AMMECR1: variants seen among roughly 807,000 people sequenced by gnomAD.
AMMECR1 encodes nuclear protein AMMECR1.
Under a neutral mutation model 22.5 loss-of-function variants are expected in AMMECR1, and 3 were observed. The ratio of observed to expected loss-of-function variants is 0.13; its 90% CI spans 0.06 to 0.35. The LOEUF is 0.35. AMMECR1 is among the 10% of genes least tolerant of loss of function. The probability of loss-of-function intolerance (pLI) is 1.00; values close to 1 mark genes in which losing one functional copy is unlikely to be tolerated. For synonymous variants in AMMECR1, 130 were observed against 116.7 expected (o/e 1.11, Z -0.74); for missense variants, 235 against 278.7 (o/e 0.84, Z 1.12).
intron 2 of AMMECR1, among the ~76,000 whole-genome samples, chrX:110,259,407 G>GA (rs1406068227): frequency 9.0e-6 from 1 of 110,654 alleles, no homozygotes; most frequent in South Asian, 3.9e-4. Context: ...CAACAAAGGA[G>GA]AAAAAAAGAT....
intron 2 of AMMECR1, among the ~76,000 whole-genome samples, chrX:110,232,557 G>A (rs2067573219): frequency 9.0e-6 from 1 of 111,347 alleles, no homozygotes; most frequent in South Asian, 3.7e-4. Flanking sequence ...GCCCACAAGA[G>A]AAAGCAGGAA....
At chrX:110,416,083 T>C (rs1159989866) in intron 2 of AMMECR1, among the ~76,000 whole-genome samples, 1 of 110,567 alleles carries the variant, frequency 9.0e-6, no homozygotes, top group African/African-American at 3.3e-5. Flanking sequence ...CACTCTGCCG[T>C]GGCAAGGCAC....
At chrX:110,363,609 A>T (rs972866971) in intron 2 of AMMECR1, among the ~76,000 whole-genome samples, 1 of 111,752 alleles carries the variant, frequency 8.9e-6, no homozygotes, top group African/African-American at 3.3e-5. Flanking sequence ...TTATAGAGAG[A>T]AAAATAAAAA....
chrX:110,274,246 T>A (rs982512641), intron 1 of AMMECR1, among the ~76,000 whole-genome samples: 13 of 112,286 alleles, frequency 1.2e-4, no homozygotes, highest in Non-Finnish European at 2.1e-4. Flanking sequence ...CAATGTTTTA[T>A]AAGTGTCAGT....
At chrX:110,270,782 T>C (rs1341065637) in intron 1 of AMMECR1, among the ~76,000 whole-genome samples, 4 of 112,189 alleles carry the variant, frequency 3.6e-5, no homozygotes, top group Non-Finnish European at 7.5e-5. Context: ...CCCAGCACTC[T>C]TTCTGATCTC....
chrX:110,249,463 G>A (rs1200606717), intron 2 of AMMECR1, among the ~76,000 whole-genome samples: 1 of 111,462 alleles, frequency 9.0e-6, no homozygotes, highest in African/African-American at 3.3e-5. Context: ...CAATATAAGT[G>A]AAATACTTTC....
intron 2 of AMMECR1, among the ~76,000 whole-genome samples, chrX:110,382,383 C>T (rs1440026490): frequency 9.0e-6 from 1 of 110,833 alleles, no homozygotes; most frequent in Non-Finnish European, 1.9e-5. Context: ...CAAAGGCAGC[C>T]AGGATCTGGG....
At chrX:110,291,159 TGAAGACAGAAAATATAAAGAA>T (rs1018039208) in intron 1 of AMMECR1, among the ~76,000 whole-genome samples, 3 of 111,060 alleles carry the variant, frequency 2.7e-5, no homozygotes, top group Non-Finnish European at 5.7e-5. Context: ...AATATAAAGA[TGAAGACAGAAAATATAAAGAA>T]GAAGACAGAA....
chrX:110,209,720 A>G (rs2067438070), intron 3 of AMMECR1, among the ~76,000 whole-genome samples: 1 of 111,156 alleles, frequency 9.0e-6, no homozygotes, highest in South Asian at 3.8e-4. Context: ...GTCAGAGTCC[A>G]AAGAGATCTT....
chrX:110,372,158 G>A (rs1421467288), intron 2 of AMMECR1, among the ~76,000 whole-genome samples: 1 of 111,871 alleles, frequency 8.9e-6, no homozygotes, highest in Non-Finnish European at 1.9e-5. Context: ...TCTTATGATT[G>A]GGAATGAAGC....
At chrX:110,431,323 CTGTG>C (rs759432836) in intron 1 of AMMECR1, among the ~76,000 whole-genome samples, 24 of 94,937 alleles carry the variant, frequency 2.5e-4, no homozygotes, top group South Asian at 9.8e-4. Context: ...GAGGGGAAGG[CTGTG>C]TGTGTGTGTG....
At chrX:110,399,621 A>G (rs2068550935) in intron 2 of AMMECR1, among the ~76,000 whole-genome samples, 1 of 112,472 alleles carries the variant, frequency 8.9e-6, no homozygotes, top group African/African-American at 3.2e-5. Context: ...GCTGATGTGA[A>G]AGGCGACCTG....
chrX:110,384,777 T>C (rs1336387469), intron 2 of AMMECR1, among the ~76,000 whole-genome samples: 1 of 110,981 alleles, frequency 9.0e-6, no homozygotes, highest in Non-Finnish European at 1.9e-5. Flanking sequence ...CCATAGCTCA[T>C]TGGACATAGT....
chrX:110,225,535 G>C (rs1177302668), intron 2 of AMMECR1, among the ~76,000 whole-genome samples: 1 of 112,318 alleles, frequency 8.9e-6, no homozygotes, highest in Non-Finnish European at 1.9e-5. Context: ...AGATTATATA[G>C]GTTGGAATAT....
chrX:110,221,239 AATTCCAT>A (rs2067498513), intron 2 of AMMECR1, among the ~76,000 whole-genome samples: 1 of 112,053 alleles, frequency 8.9e-6, no homozygotes, highest in South Asian at 3.7e-4. Context: ...ACCACCAGGA[AATTCCAT>A]ATTCTGTCAT....
chrX:110,219,700 A>G (rs1212929124), intron 2 of AMMECR1: 2 of 508,101 alleles, frequency 3.9e-6, no homozygotes, highest in East Asian at 1.8e-4. Flanking sequence ...ATGGTGCCTC[A>G]CCATGTCAAG....
Position 110,219,350 on chromosome X carries a change from GCA to G in AMMECR1, c.585-2720_585-2719del, listed in dbSNP as rs898453291. The G allele has an allele frequency of 8.0e-6, 6 of 751,031 alleles. No individual in the cohort carries two copies. The African/African-American group carries it at 1.2e-4, about 14-fold the overall frequency. 61.9% of individuals were successfully genotyped at this position (751,031 alleles called of 1,213,427 possible). A position where few individuals can be genotyped will look rare whatever the true frequency, so the allele number is the denominator to read the frequency against. On this transcript the variant is annotated intron_variant, in intron 2 of 5. Coordinates refer to ENST00000262844, the MANE Select transcript of AMMECR1 (RefSeq NM_015365.3). ...ATAGTGCTAGACCTCCTTTAATGAA[GCA>G]CATTTTGTACCTAGCTCTAGCTTTT...
intron 2 of AMMECR1, among the ~76,000 whole-genome samples, chrX:110,413,696 G>A (rs2068658005): frequency 9.1e-6 from 1 of 110,055 alleles, no homozygotes; most frequent in African/African-American, 3.3e-5. Flanking sequence ...TCTACACCTT[G>A]CTGGCTGGCC....
At position 110,197,996 on chromosome X, in the gene AMMECR1, A is replaced by G. The variant is rs139360024; in HGVS notation, c.*524T>C. On this transcript the variant is annotated 3_prime_UTR_variant, in exon 6 of 6. Coordinates refer to ENST00000262844, the MANE Select transcript of AMMECR1 (RefSeq NM_015365.3). ...GACAAAAATCAAGAGTAATATACAA[A>G]TACCTGAATTTGATATGAATTAATC... 430 of 111,950 alleles carry G rather than the reference A, an allele frequency of 3.8e-3. 1 individual carries two copies. The highest frequency in any genetic ancestry group is 0.019 in the Middle Eastern group (4 of 216). 9.2% of individuals were successfully genotyped at this position (111,950 alleles called of 1,213,427 possible).
Sources: allele counts gnomAD v4.1 joint callset (sites outside exome capture counted in the v4.1 genomes callset), GRCh38; gene constraint gnomAD v4.1.1; transcripts MANE v1.5; gene names NCBI Gene and HGNC (gene_info 2026-07-23, HGNC 2026-07-21).